MED27: variants seen among roughly 807,000 people sequenced by gnomAD.
MED27 encodes the protein mediator of RNA polymerase II transcription subunit 27.
A neutral mutation model predicts 38.2 loss-of-function variants in MED27; 30 were observed. The observed-to-expected ratio is 0.79, with a 90% CI of 0.59 to 1.07. MED27 has a LOEUF of 1.07. Among genes scored for constraint, MED27 ranks in the 50% least tolerant of loss-of-function variants. MED27 has a pLI of 0.00. For missense variants in MED27, 289 were observed against 397.5 expected (o/e 0.73, Z 2.32); for synonymous variants, 122 against 153.5 (o/e 0.79, Z 1.52).
At chr9:131,942,661 C>A (rs535842153) in intron 3 of MED27, among the ~76,000 whole-genome samples, 1 of 152,184 alleles carries the variant, frequency 6.6e-6, no homozygotes, top group Non-Finnish European at 1.5e-5. Flanking sequence ...TCCATTGTAC[C>A]TTTCACCTTG....
chr9:131,912,128 A>C (rs1830201072), intron 4 of MED27, among the ~76,000 whole-genome samples: 1 of 152,218 alleles, frequency 6.6e-6, no homozygotes. Flanking sequence ...GGAGTTCCTA[A>C]TTTAAAAAGA....
intron 5 of MED27, 104 bp from the exon 6 acceptor site, chr9:131,884,203 A>T (rs1212411011): frequency 2.4e-6 from 2 of 821,846 alleles, no homozygotes; most frequent in African/African-American, 3.6e-5. Flanking sequence ...TTGAAAAAAA[A>T]ATCTGATTAT....
At chr9:132,049,825 G>A (rs1056931686) in intron 2 of MED27, among the ~76,000 whole-genome samples, 4 of 152,148 alleles carry the variant, frequency 2.6e-5, no homozygotes, top group Non-Finnish European at 5.9e-5. Flanking sequence ...GAAATAGGAG[G>A]AAACTGAAAA....
At chr9:132,042,364 T>C (rs1432179462) in intron 2 of MED27, among the ~76,000 whole-genome samples, 3 of 152,238 alleles carry the variant, frequency 2.0e-5, no homozygotes, top group African/African-American at 4.8e-5. Context: ...TATACTGATG[T>C]TGCCCCCATT....
intron 2 of MED27, among the ~76,000 whole-genome samples, chr9:132,014,917 T>G (rs1224176601): frequency 6.6e-6 from 1 of 152,276 alleles, no homozygotes; most frequent in African/African-American, 2.4e-5. Context: ...ACTATTCATA[T>G]GCTTTATGTA....
At chr9:131,961,371 T>G (rs1008282603) in intron 3 of MED27, among the ~76,000 whole-genome samples, 2 of 152,248 alleles carry the variant, frequency 1.3e-5, no homozygotes, top group African/African-American at 4.8e-5. Flanking sequence ...TTTCCCTGCC[T>G]GAAATGCTCT....
In MED27 at chr9:131,917,240, A is replaced by G. The variant is rs1252629237; in HGVS notation, c.573+22141T>C. 6.6e-6 allele frequency among the ~76,000 whole-genome samples: 1 copy of G among 152,192 alleles called. No individual in the cohort carries two copies. The highest frequency in any genetic ancestry group is 2.1e-4 in the South Asian group (1 of 4,832). On this transcript the variant is annotated intron_variant, in intron 4 of 7. Coordinates refer to ENST00000292035, the MANE Select transcript of MED27 (RefSeq NM_004269.4). This position sits in a 1 kb window ranked among gnomAD's most constrained non-coding sequence, Gnocchi z 4.6. ...ACTGGAACTGAAATTGTTCCATCCA[A>G]ACTGCCAACAGTGCCTCCACTGAGA...
intron 3 of MED27, among the ~76,000 whole-genome samples, chr9:131,990,980 C>T (rs751500440): frequency 8.3e-4 from 126 of 152,234 alleles, no homozygotes; most frequent in Non-Finnish European, 1.3e-3. Flanking sequence ...GAGAAATCTG[C>T]GGGGTTCTTG....
intron 6 of MED27, among the ~76,000 whole-genome samples, chr9:131,866,448 T>C (rs748491990): frequency 9.9e-5 from 15 of 152,268 alleles, no homozygotes; most frequent in African/African-American, 4.8e-5. Context: ...GGCCCTGCCC[T>C]GTCGCCTCTC....
intron 2 of MED27, among the ~76,000 whole-genome samples, chr9:132,053,193 C>T (rs1833501715): frequency 6.6e-6 from 1 of 150,968 alleles, no homozygotes. Context: ...GCGGAGCTTG[C>T]AGTGAGCCGA....
intron 4 of MED27, among the ~76,000 whole-genome samples, chr9:131,924,402 T>C (rs1218764999): frequency 2.0e-5 from 3 of 152,188 alleles, no homozygotes; most frequent in African/African-American, 7.2e-5. Flanking sequence ...GTCTGTTTCT[T>C]TTCCTCATTT....
intron 2 of MED27, among the ~76,000 whole-genome samples, chr9:132,028,214 T>C (rs920733188): frequency 6.6e-6 from 1 of 152,216 alleles, no homozygotes; most frequent in African/African-American, 2.4e-5. Context: ...TGTGCAAGTC[T>C]CAACTTGAAC....
chr9:131,963,416 T>C (rs1403962921), intron 3 of MED27, among the ~76,000 whole-genome samples: 1 of 151,816 alleles, frequency 6.6e-6, no homozygotes, highest in Non-Finnish European at 1.5e-5. Flanking sequence ...ACATGAAAAT[T>C]TTTAAAGCCC....
chr9:131,968,435 C>T (rs1831401408), intron 3 of MED27, among the ~76,000 whole-genome samples: 1 of 146,414 alleles, frequency 6.8e-6, no homozygotes, highest in African/African-American at 2.5e-5. Flanking sequence ...GATCACACCA[C>T]TGCACTCCAG....
chr9:131,970,786 C>A (rs1831459674), intron 3 of MED27, among the ~76,000 whole-genome samples: 1 of 152,134 alleles, frequency 6.6e-6, no homozygotes, highest in Admixed American at 6.5e-5. Flanking sequence ...GAAAGCACAG[C>A]AAGATAAATG....
intron 2 of MED27, among the ~76,000 whole-genome samples, chr9:132,068,895 G>A (rs536877127): frequency 1.3e-5 from 2 of 152,306 alleles, no homozygotes; most frequent in African/African-American, 2.4e-5. Flanking sequence ...ATGGCCCAGA[G>A]AAGGGAGAGA....
intron 2 of MED27, among the ~76,000 whole-genome samples, chr9:132,064,292 A>T (rs1450317563): frequency 6.6e-6 from 1 of 152,212 alleles, no homozygotes; most frequent in Non-Finnish European, 1.5e-5. Context: ...TCAGGGAATA[A>T]GGCCGGTCTC....
chr9:132,012,129 C>T (rs1832498543), intron 3 of MED27, among the ~76,000 whole-genome samples: 1 of 152,212 alleles, frequency 6.6e-6, no homozygotes, highest in South Asian at 2.1e-4. Flanking sequence ...GCAACAAATA[C>T]TTTTTGGCTC....
intron 2 of MED27, among the ~76,000 whole-genome samples, chr9:132,070,767 C>T (rs927901448): frequency 6.6e-5 from 10 of 152,216 alleles, no homozygotes; most frequent in Admixed American, 2.6e-4. Context: ...TCCCCAGGAT[C>T]CTCGCCCTGC....
Sources: allele counts gnomAD v4.1 joint callset (sites outside exome capture counted in the v4.1 genomes callset), GRCh38; gene constraint gnomAD v4.1.1; non-coding constraint Gnocchi (gnomAD v3.1); transcripts MANE v1.5; gene names NCBI Gene and HGNC (gene_info 2026-07-23, HGNC 2026-07-21).